Variants in ZNF804A observed in about 807,000 individuals in gnomAD.
The protein encoded by ZNF804A is zinc finger protein 804A.
In ZNF804A, 2 loss-of-function variants were observed where a neutral mutation model predicts 16.5. The ratio of observed to expected loss-of-function variants is 0.12; its 90% CI spans 0.05 to 0.38. ZNF804A has a LOEUF of 0.38. ZNF804A is among the 10% of genes least tolerant of loss of function. The pLI is 0.99. For missense variants in ZNF804A, 1,473 were observed against 1,390.7 expected (o/e 1.06, Z -0.94); for synonymous variants, 534 against 489.6 (o/e 1.09, Z -1.20).
intron 2 of ZNF804A, among the ~76,000 whole-genome samples, chr2:184,894,788 C>T (rs1393630992): frequency 1.3e-5 from 2 of 152,012 alleles, no homozygotes; most frequent in African/African-American, 4.8e-5. Context: ...CAGGTTCACG[C>T]CGTTCCCCTG....
rs111695281 is a variant in ZNF804A, at chr2:184,938,738, T to C, written c.3342T>C (p.Ala1114=). Residue 1114 remains alanine, a synonymous_variant, in exon 4 of 4, where the codon GCT becomes GCC. Transcript: ENST00000302277. Reference sequence around the variant, plus strand: ...ACGCTGCAGCTGCTGCAGCTGCAGCTGCAGCCGCAGCTGCAGGAACCTTTA... The same window carrying C: ...ACGCTGCAGCTGCTGCAGCTGCAGCCGCAGCCGCAGCTGCAGGAACCTTTA... ...QQHAAAAAAA[A]AAAAAGTFKV... The C allele has an allele frequency of 1.3e-5, 21 of 1,608,372 alleles. 1 individual carries two copies. The highest frequency in any genetic ancestry group is 6.7e-5 in the African/African-American group (5 of 74,672).
rs375046548 is a variant in ZNF804A at position 184,913,693 on chromosome 2, A to T, written c.256-19910A>T. ...TTCCAGATAGATATCCAAGAAGTTG[A>T]TTCTGATAGTTTTTGATTCTTTGTT... On this transcript the variant is annotated intron_variant, in intron 2 of 3. Transcript: ENST00000302277. Among the ~76,000 whole-genome samples the T allele has an allele frequency of 1.3e-4, 20 of 152,288 alleles. No individual in the cohort carries two copies. The East Asian group carries it at 1.5e-3, about 12-fold the overall frequency.
intron 1 of ZNF804A, among the ~76,000 whole-genome samples, chr2:184,650,563 A>G (rs1691965439): frequency 1.3e-5 from 2 of 152,156 alleles, no homozygotes; most frequent in Non-Finnish European, 2.9e-5. Flanking sequence ...AAAAAGCCCT[A>G]AAGACTCCAC....
intron 1 of ZNF804A, among the ~76,000 whole-genome samples, chr2:184,766,710 G>A (rs138713236): frequency 4.0e-4 from 61 of 151,788 alleles, no homozygotes; most frequent in African/African-American, 1.0e-3. Context: ...AAGCGAAAGT[G>A]TCTCAAAGAG....
intron 1 of ZNF804A, among the ~76,000 whole-genome samples, chr2:184,643,949 A>AT (rs1329299374): frequency 2.6e-5 from 4 of 151,696 alleles, no homozygotes; most frequent in African/African-American, 9.7e-5. Flanking sequence ...ACCAATAATA[A>AT]TTTTTTAAAA....
chr2:184,817,877 C>T (rs1350590694), intron 1 of ZNF804A, among the ~76,000 whole-genome samples: 2 of 151,776 alleles, frequency 1.3e-5, no homozygotes, highest in South Asian at 2.1e-4. Flanking sequence ...TGAAAAGTAA[C>T]AAACAAAACC....
chr2:184,686,002 TG>T (rs2105722178), intron 1 of ZNF804A, among the ~76,000 whole-genome samples: 1 of 152,362 alleles, frequency 6.6e-6, no homozygotes, highest in Admixed American at 6.5e-5. Context: ...TGGCAGGGGC[TG>T]GCATGTCAGC....
At chr2:184,910,629 C>T (rs1685341490) in intron 2 of ZNF804A, among the ~76,000 whole-genome samples, 1 of 152,116 alleles carries the variant, frequency 6.6e-6, no homozygotes, top group Admixed American at 6.6e-5. Context: ...ACAGCCTTGC[C>T]AGAGGCTATT....
intron 1 of ZNF804A, among the ~76,000 whole-genome samples, chr2:184,666,056 A>G (rs532405263): frequency 1.3e-5 from 2 of 152,312 alleles, no homozygotes; most frequent in Admixed American, 6.5e-5. Flanking sequence ...AACTGTGGCT[A>G]TAACACCACA....
chr2:184,830,004 G>A lies in ZNF804A; in HGVS notation c.112-36365G>A, dbSNP rs142738518. On this transcript the variant is annotated intron_variant, in intron 1 of 3. Transcript: ENST00000302277. ...TACCTGTGGTCCCAACTACTGGGGA[G>A]GCTTAGGTGGGAGGATCACCTGAAC... Among the ~76,000 whole-genome samples the A allele has an allele frequency of 7.1e-3, 1,056 of 148,738 alleles. 8 individuals carry two copies. Among genetic ancestry groups the A allele is most frequent in the Non-Finnish European group, 0.012 (778 of 67,550 alleles).
rs557095840 is a variant in ZNF804A at position 184,698,872 on chromosome 2, T to A, written c.111+99802T>A. 2.0e-5 allele frequency among the ~76,000 whole-genome samples: 3 copies of A among 152,228 alleles called. No homozygotes were observed. The South Asian group carries it at 6.2e-4, about 32-fold the overall frequency. On this transcript the variant is annotated intron_variant, in intron 1 of 3. Coordinates refer to ENST00000302277, the MANE Select transcript of ZNF804A (RefSeq NM_194250.2). ...TTCTCTTAGAAGACAAGAACTTTTT[T>A]AAATAAGCAATTCAGCTGAATTGCT...
Position 184,649,005 on chromosome 2 carries a change from C to T in ZNF804A, c.111+49935C>T, listed in dbSNP as rs530159223. Among the ~76,000 whole-genome samples the T allele has an allele frequency of 1.0e-3, 154 of 151,890 alleles. No individual in the cohort carries two copies. The South Asian group carries it at 0.011, about 11-fold the overall frequency. ...ATTATTGTAATCTGCACACGGAACA[C>T]GCTCAAAAATCAAATAAACACTTAG... On this transcript the variant is annotated intron_variant, in intron 1 of 3. Transcript: ENST00000302277.
At chr2:184,650,712 G>T (rs1473768846) in intron 1 of ZNF804A, among the ~76,000 whole-genome samples, 2 of 145,290 alleles carry the variant, frequency 1.4e-5, no homozygotes, top group East Asian at 2.0e-4. Flanking sequence ...ACAAAACAAA[G>T]AACCAAACAA....
At chr2:184,844,266 A>G (rs1386852565) in intron 1 of ZNF804A, among the ~76,000 whole-genome samples, 4 of 152,092 alleles carry the variant, frequency 2.6e-5, no homozygotes, top group Non-Finnish European at 5.9e-5. Context: ...ATTGCTTAAA[A>G]CAAAGTTAAT....
chr2:184,704,507 T>C (rs904116150), intron 1 of ZNF804A, among the ~76,000 whole-genome samples: 5 of 152,142 alleles, frequency 3.3e-5, no homozygotes, highest in Admixed American at 6.5e-5. Flanking sequence ...TGGATCCATA[T>C]GGAGTGTGTT....
At chr2:184,820,144 T>A (rs1327483485) in intron 1 of ZNF804A, among the ~76,000 whole-genome samples, 1 of 152,084 alleles carries the variant, frequency 6.6e-6, no homozygotes, top group Non-Finnish European at 1.5e-5. Context: ...ATATCCCTGA[T>A]GAACATTGAT....
intron 1 of ZNF804A, among the ~76,000 whole-genome samples, chr2:184,764,603 C>T (rs1402427073): frequency 6.6e-6 from 1 of 152,092 alleles, no homozygotes; most frequent in Non-Finnish European, 1.5e-5. Flanking sequence ...TATATGATTC[C>T]CTTCCCTTCT....
At chr2:184,718,955 C>T (rs952351655) in intron 1 of ZNF804A, among the ~76,000 whole-genome samples, 6 of 152,106 alleles carry the variant, frequency 3.9e-5, no homozygotes, top group Non-Finnish European at 7.4e-5. Context: ...GGCTCTGACC[C>T]CACATTACCT....
intron 1 of ZNF804A, among the ~76,000 whole-genome samples, chr2:184,615,537 C>A (rs1691305581): frequency 6.6e-6 from 1 of 152,070 alleles, no homozygotes; most frequent in African/African-American, 2.4e-5. Flanking sequence ...ATAAAAATTA[C>A]CATAGTAACA....
Sources: gnomAD v4.1 joint callset for allele counts (sites outside exome capture counted in the v4.1 genomes callset) on GRCh38, gnomAD v4.1.1 for gene constraint, MANE v1.5 for transcripts, NCBI Gene and HGNC (gene_info 2026-07-23, HGNC 2026-07-21) for gene names.